Variants in MTRR observed in about 807,000 individuals in gnomAD.
MTRR encodes the protein methionine synthase reductase.
A neutral mutation model predicts 79.2 loss-of-function variants in MTRR; 63 were observed. The observed-to-expected ratio is 0.80, with a 90% CI of 0.65 to 0.98. The LOEUF (loss-of-function observed/expected upper bound fraction) is 0.98. Ranked by LOEUF, MTRR falls within the 50% of genes least tolerant of loss-of-function variation. The pLI is 0.00. For missense variants in MTRR, 895 were observed against 839.6 expected (o/e 1.07, Z -0.82); for synonymous variants, 355 against 313.3 (o/e 1.13, Z -1.41).
At chr5:7,881,687 C>G (rs1275404195) in intron 5 of MTRR, among the ~76,000 whole-genome samples, 1 of 152,000 alleles carries the variant, frequency 6.6e-6, no homozygotes, top group African/African-American at 2.4e-5. Flanking sequence ...CTGAGGATGT[C>G]CCCTGGCTTA....
At position 7,897,072 on chromosome 5, in the gene MTRR, C is replaced by G. The variant is rs146415045; in HGVS notation, c.1777C>G (p.Leu593Val). The G allele has an allele frequency of 6.2e-7, 1 of 1,614,012 alleles. No individual in the cohort carries two copies. Among genetic ancestry groups the G allele is most frequent in the Non-Finnish European group, 8.5e-7 (1 of 1,179,954 alleles). ...KDRDYLFRKE[L>V]RHFLKHGILT... ...TTATATATTATATTTCAGAAAAGAG[C>G]TCAGACATTTCCTTAAGCATGGGAT... The change falls in exon 14 of 15, where the codon CTC becomes GTC. Residue 593 changes from leucine to valine, a missense_variant. By Grantham distance (32) the Leu-to-Val change is conservative (BLOSUM62 1). Transcript: ENST00000440940.
intron 1 of MTRR, 24 bp downstream of exon 1, chr5:7,869,239 T>G (rs1579576260): frequency 1.2e-6 from 2 of 1,602,202 alleles, no homozygotes; most frequent in Non-Finnish European, 1.7e-6. Flanking sequence ...CGGCTACGGT[T>G]CCCGGATTCC....
chr5:7,867,615 T>C (rs748051175), upstream of MTRR: 4 of 1,614,134 alleles, frequency 2.5e-6, no homozygotes, highest in African/African-American at 4.0e-5. Flanking sequence ...TGAAAGATGC[T>C]ATTCTCCAGT....
upstream of MTRR, among the ~76,000 whole-genome samples, chr5:7,865,162 C>T (rs16879249): frequency 0.017 from 2,548 of 152,204 alleles, 72 homozygotes; most frequent in African/African-American, 0.058. Flanking sequence ...TATCTGTATA[C>T]ATTTGGGCGT....
intron 1 of MTRR, chr5:7,859,044 G>A (rs1051350063): frequency 1.2e-4 from 18 of 152,916 alleles, no homozygotes; most frequent in African/African-American, 4.1e-4. Context: ...TTTCCTTACG[G>A]TAAATCTCAC....
chr5:7,897,625 A>G (rs895273937), intron 14 of MTRR, among the ~76,000 whole-genome samples: 1 of 152,184 alleles, frequency 6.6e-6, no homozygotes, highest in Non-Finnish European at 1.5e-5. Context: ...AGTAAGAAAG[A>G]AAAAGTATGA....
At position 7,890,758 on chromosome 5, in the gene MTRR, A is replaced by G. The variant is rs145436640; in HGVS notation, c.1328-614A>G. Among the ~76,000 whole-genome samples the G allele has an allele frequency of 5.1e-3, 775 of 152,352 alleles. 7 individuals are homozygous for G. The highest frequency in any genetic ancestry group is 0.017 in the African/African-American group (726 of 41,592). ...CAAAACATAAAACATTTCAAAGTTT[A>G]TTAGTGGATAGTTCAATATTTAAAT... is the stretch of plus-strand genomic sequence containing the variant. On this transcript the variant is annotated intron_variant, in intron 9 of 14. Transcript: ENST00000440940.
intron 2 of MTRR, 148 bp downstream of exon 2, chr5:7,871,071 A>G (rs1402053963): frequency 1.0e-6 from 1 of 957,666 alleles, no homozygotes; most frequent in African/African-American, 1.6e-5. Context: ...ATAGTAAGAT[A>G]TCACCAGCAT....
chr5:7,865,151 G>A (rs1746851989), upstream of MTRR, among the ~76,000 whole-genome samples: 1 of 152,090 alleles, frequency 6.6e-6, no homozygotes, highest in African/African-American at 2.4e-5. Context: ...CAGTGTTTAT[G>A]TATCTGTATA....
Position 7,878,072 on chromosome 5 carries a change from C to G in MTRR, c.530C>G (p.Thr177Arg). The change falls in exon 5 of 15, where the codon ACA (threonine) becomes AGA (arginine). Residue 177 changes from threonine to arginine, a missense_variant. Coordinates refer to ENST00000440940, the MANE Select transcript of MTRR (RefSeq NM_002454.3). ...GTGGCATCACCTGCATCCTCGAGGA[C>G]AGACCTTGTGAAGTCAGAGCTGCTA... ...LPVASPASSRTDLVKSELLHI... is the reference protein window; with the variant it reads ...LPVASPASSRRDLVKSELLHI... 1 of 1,613,954 alleles carries G rather than the reference C, an allele frequency of 6.2e-7. No individual in the cohort carries two copies. The highest frequency in any genetic ancestry group is 1.1e-5 in the South Asian group (1 of 91,070).
Position 7,873,472 on chromosome 5 carries a change from C to A in MTRR, c.229C>A (p.Gln77Lys). 6.2e-7 allele frequency: 1 copy of A among 1,614,144 alleles called. No homozygotes were observed. Among genetic ancestry groups the A allele is most frequent in the Non-Finnish European group, 8.5e-7 (1 of 1,180,014 alleles). ...AGCCCGCAAGTTTGTTAAGGAAATA[C>A]AGAACCAAACACTGCCGGTTGATTT... Reference protein sequence around the residue: ...DTARKFVKEIQNQTLPVDFFA... With the variant: ...DTARKFVKEIKNQTLPVDFFA... Residue 77 changes from glutamine to lysine, a missense_variant, in exon 3 of 15, where the codon CAG becomes AAG. Coordinates refer to ENST00000440940, the MANE Select transcript of MTRR (RefSeq NM_002454.3).
intron 1 of MTRR, among the ~76,000 whole-genome samples, chr5:7,859,848 AAAAC>A (rs1411661851): frequency 6.6e-6 from 1 of 152,232 alleles, no homozygotes; most frequent in Admixed American, 6.5e-5. Flanking sequence ...ATAAATATAA[AAAAC>A]AAGCTGTAGG....
intron 14 of MTRR, 27 bp downstream of exon 14, chr5:7,897,274 G>T (rs765374664): frequency 1.6e-5 from 26 of 1,610,998 alleles, no homozygotes; most frequent in Non-Finnish European, 2.2e-5. Context: ...CCTAAGTCGG[G>T]TAGGAGAGGG....
chr5:7,868,021 A>C, upstream of MTRR: 1 of 1,613,866 alleles, frequency 6.2e-7, no homozygotes, highest in Non-Finnish European at 8.5e-7. Context: ...AAGCAGCCAG[A>C]GCTCTATGCA....
Position 7,900,034 on chromosome 5 carries a change from C to T in MTRR, c.2073C>T (p.Arg691=), listed in dbSNP as rs768387137. The T allele has an allele frequency of 3.0e-5, 49 of 1,613,642 alleles. No individual in the cohort carries two copies. Among genetic ancestry groups the T allele is most frequent in the Admixed American group, 6.7e-5 (4 of 59,946 alleles). Residue 691 remains arginine (R), a synonymous_variant, in exon 15 of 15, where the codon CGC becomes CGT. Transcript: ENST00000440940. The part of the protein sequence containing the change: ...KTLATLKEEK[R]YLQDIWS ...TGGCCACTTTAAAAGAAGAAAAACG[C>T]TACCTTCAGGATATTTGGTCATAAA...
intron 1 of MTRR, chr5:7,861,878 C>A: frequency 1.2e-6 from 1 of 827,798 alleles, no homozygotes; most frequent in Non-Finnish European, 1.7e-6. Flanking sequence ...TAACGCTAAA[C>A]CACAGAATGG....
upstream of MTRR, chr5:7,868,122 T>G: frequency 1.4e-6 from 2 of 1,392,688 alleles, no homozygotes; most frequent in Non-Finnish European, 2.0e-6. Context: ...ATTAAAAAAT[T>G]TAAAAACACA....
At position 7,870,912 on chromosome 5, in the gene MTRR, G is replaced by A; in HGVS notation, c.118G>A (p.Glu40Lys). 6.2e-7 allele frequency: 1 copy of A among 1,614,184 alleles called. No homozygotes were observed. The highest frequency in any genetic ancestry group is 8.5e-7 in the Non-Finnish European group (1 of 1,180,018). ...TTCTGCAGATCTTCACTGTATTAGT[G>A]AATCCGATAAGGTTAGAGCCGTTAC... ...GFSADLHCISESDKYDLKTET... is the reference protein window; with the variant it reads ...GFSADLHCISKSDKYDLKTET... The change falls in exon 2 of 15, where the codon GAA (glutamate) becomes AAA (lysine). Residue 40 changes from glutamate to lysine, a missense_variant. Glu to Lys is a moderately conservative substitution (Grantham distance 56). Coordinates refer to ENST00000440940, the MANE Select transcript of MTRR (RefSeq NM_002454.3).
intron 7 of MTRR, 35 bp from the exon 8 acceptor site, chr5:7,886,580 T>C (rs903894679): frequency 1.4e-6 from 2 of 1,456,916 alleles, no homozygotes; most frequent in Admixed American, 1.7e-5. Context: ...TCATCTTCTA[T>C]GTCATGAACC....
Sources: gnomAD v4.1 joint callset for allele counts (sites outside exome capture counted in the v4.1 genomes callset) on GRCh38, gnomAD v4.1.1 for gene constraint, MANE v1.5 for transcripts, NCBI Gene and HGNC (gene_info 2026-07-23, HGNC 2026-07-21) for gene names.